Variants in GPC6 observed in about 807,000 individuals in gnomAD.
GPC6 encodes the protein glypican-6.
In GPC6, 14 loss-of-function variants were observed where a neutral mutation model predicts 55.2. The observed-to-expected ratio is 0.25, with a 90% confidence interval of 0.17 to 0.40. GPC6 has a LOEUF of 0.40. Among genes scored for constraint, GPC6 ranks in the 10% least tolerant of loss-of-function variants. The probability of loss-of-function intolerance (pLI) is 1.00; values close to 1 mark genes in which losing one functional copy is unlikely to be tolerated. For synonymous variants in GPC6, 278 were observed against 259.6 expected (o/e 1.07, Z -0.68); for missense variants, 641 against 708.5 (o/e 0.90, Z 1.08).
At chr13:94,372,961 C>T (rs925057612) in intron 6 of GPC6, among the ~76,000 whole-genome samples, 1 of 152,202 alleles carries the variant, frequency 6.6e-6, no homozygotes, top group South Asian at 2.1e-4. Flanking sequence ...CACACTGACA[C>T]CTCACACGGC....
intron 1 of GPC6, among the ~76,000 whole-genome samples, chr13:93,456,347 T>A (rs1878453880): frequency 6.6e-6 from 1 of 152,136 alleles, no homozygotes; most frequent in Admixed American, 6.5e-5. Context: ...GAAGCATATT[T>A]TCTTAGTTAT....
chr13:93,366,797 A>G (rs574382479), intron 1 of GPC6, among the ~76,000 whole-genome samples: 3 of 152,164 alleles, frequency 2.0e-5, no homozygotes, highest in African/African-American at 7.2e-5. Context: ...TCATTCCCAG[A>G]ATTTCTGTCT....
chr13:94,191,247 A>T (rs1889384003), intron 4 of GPC6, among the ~76,000 whole-genome samples: 1 of 152,214 alleles, frequency 6.6e-6, no homozygotes, highest in Admixed American at 6.5e-5. Context: ...AAATGAGTTG[A>T]TACTAGAAAT....
intron 2 of GPC6, among the ~76,000 whole-genome samples, chr13:93,718,083 G>A (rs962513540): frequency 2.6e-5 from 4 of 151,602 alleles, no homozygotes; most frequent in Non-Finnish European, 5.9e-5. Context: ...GTATGCATGT[G>A]TCTTTATAGT....
intron 2 of GPC6, among the ~76,000 whole-genome samples, chr13:93,655,467 G>A (rs1880620851): frequency 6.6e-6 from 1 of 152,136 alleles, no homozygotes; most frequent in Non-Finnish European, 1.5e-5. Context: ...GCAAGGCGGT[G>A]TAAAGGTTTA....
chr13:93,838,047 A>C (rs1197400514), intron 3 of GPC6, among the ~76,000 whole-genome samples: 2 of 152,208 alleles, frequency 1.3e-5, no homozygotes, highest in African/African-American at 4.8e-5. Context: ...TTGTTTGTCT[A>C]TTCTGCCTGC....
intron 4 of GPC6, among the ~76,000 whole-genome samples, chr13:94,193,227 A>C (rs1433872120): frequency 6.6e-6 from 1 of 152,160 alleles, no homozygotes; most frequent in East Asian, 1.9e-4. Flanking sequence ...TAGTTTGTAT[A>C]GTTTCTAATG....
intron 4 of GPC6, among the ~76,000 whole-genome samples, chr13:94,264,934 C>G (rs1332897951): frequency 4.6e-5 from 7 of 152,142 alleles, no homozygotes; most frequent in Admixed American, 4.6e-4. Context: ...ATAAAGCCAT[C>G]AGATCTCGTG....
At chr13:93,783,391 ACCACACTGT>A (rs11272872) in intron 2 of GPC6, among the ~76,000 whole-genome samples, 99,399 of 151,198 alleles carry the variant, frequency 0.66, 33,163 homozygotes, top group East Asian at 0.8. Context: ...TTGAGGAATC[ACCACACTGT>A]CCACACTGTC....
At chr13:93,925,098 A>G (rs1386703256) in intron 3 of GPC6, among the ~76,000 whole-genome samples, 8 of 152,106 alleles carry the variant, frequency 5.3e-5, no homozygotes, top group Non-Finnish European at 1.2e-4. Flanking sequence ...CATTTTACCT[A>G]CTTTGTCTCA....
chr13:94,074,890 A>G (rs146617056), intron 4 of GPC6, among the ~76,000 whole-genome samples: 2 of 152,324 alleles, frequency 1.3e-5, no homozygotes, highest in Non-Finnish European at 2.9e-5. Context: ...GGTACAGTCA[A>G]TTAACATGAG....
At position 93,516,597 on chromosome 13, in the gene GPC6, T is replaced by TA. The variant is rs199898896; in HGVS notation, c.161-28658dup. 5.9e-5 allele frequency among the ~76,000 whole-genome samples: 9 copies of TA among 151,788 alleles called. No homozygotes were observed. In the South Asian group the frequency reaches 6.3e-4, roughly 11 times the overall value. On this transcript the variant is annotated intron_variant, in intron 1 of 8. Coordinates refer to ENST00000377047, the MANE Select transcript of GPC6 (RefSeq NM_005708.5). ...ATGTAAGTTAAGTTTTAATGGGAAA[T>TA]AAAAAAAATAATTACTTATAAAAGT...
At chr13:93,482,897 C>T (rs116990138) in intron 1 of GPC6, among the ~76,000 whole-genome samples, 240 of 152,208 alleles carry the variant, frequency 1.6e-3, no homozygotes, top group Non-Finnish European at 2.6e-3. Context: ...GTCTTTGTTA[C>T]GTGCATTTTT....
chr13:93,264,492 C>G (rs1297979290), intron 1 of GPC6, among the ~76,000 whole-genome samples: 1 of 152,172 alleles, frequency 6.6e-6, no homozygotes, highest in Non-Finnish European at 1.5e-5. Context: ...TCCCTGCAGC[C>G]TCTAATTCCT....
At chr13:93,275,810 G>A (rs1458724546) in intron 1 of GPC6, among the ~76,000 whole-genome samples, 1 of 152,138 alleles carries the variant, frequency 6.6e-6, no homozygotes, top group Admixed American at 6.5e-5. Flanking sequence ...CTCAGATAAT[G>A]GGGGTAGGGC....
intron 4 of GPC6, among the ~76,000 whole-genome samples, chr13:94,236,965 T>G (rs1320143697): frequency 4.0e-5 from 6 of 151,764 alleles, no homozygotes; most frequent in Non-Finnish European, 8.8e-5. Flanking sequence ...AAATGAAACT[T>G]GACAAGAAGG....
chr13:93,998,204 T>G (rs920073314), intron 3 of GPC6, among the ~76,000 whole-genome samples: 4 of 152,234 alleles, frequency 2.6e-5, no homozygotes, highest in Non-Finnish European at 5.9e-5. Flanking sequence ...ATACAACAGA[T>G]GTAAATAACC....
chr13:93,309,091 A>G (rs1878973846), intron 1 of GPC6, among the ~76,000 whole-genome samples: 1 of 152,166 alleles, frequency 6.6e-6, no homozygotes, highest in African/African-American at 2.4e-5. Flanking sequence ...ACAGATCCAA[A>G]TATTTTCCTC....
chr13:94,034,238 A>AAGGG (rs1883252582), intron 4 of GPC6, among the ~76,000 whole-genome samples: 1 of 151,158 alleles, frequency 6.6e-6, no homozygotes, highest in Non-Finnish European at 1.5e-5. Flanking sequence ...GGAAGGAAGG[A>AAGGG]AGGAAGGAAG....
Sources: allele counts gnomAD v4.1 joint callset (sites outside exome capture counted in the v4.1 genomes callset), GRCh38; gene constraint gnomAD v4.1.1; transcripts MANE v1.5; gene names NCBI Gene and HGNC (gene_info 2026-07-23, HGNC 2026-07-21).